The following SCN11A variants were observed in gnomAD, a reference collection of about 807,000 sequenced individuals.
SCN11A encodes sodium voltage-gated channel alpha subunit 11.
Under a neutral mutation model 162.2 loss-of-function variants are expected in SCN11A, and 122 were observed. The observed-to-expected ratio is 0.75, with a 90% CI of 0.65 to 0.87. The LOEUF (loss-of-function observed/expected upper bound fraction) is 0.87, where lower values mean the gene tolerates loss of function less well. Ranked by LOEUF, SCN11A falls within the 40% of genes least tolerant of loss-of-function variation. The probability of loss-of-function intolerance (pLI) is 0.00; values close to 1 mark genes in which losing one functional copy is unlikely to be tolerated. For missense variants in SCN11A, 2,015 were observed against 2,181.6 expected (o/e 0.92, Z 1.52); for synonymous variants, 758 against 751.5 (o/e 1.01, Z -0.14).
chr3:38,868,117 A>T (rs2065070873), intron 26 of SCN11A, among the ~76,000 whole-genome samples: 3 of 152,200 alleles, frequency 2.0e-5, no homozygotes, highest in Non-Finnish European at 4.4e-5. Context: ...CCTTTCATCC[A>T]AGTCCTTTGC....
At chr3:38,957,346 T>G (rs1221170924) in intron 3 of SCN11A, among the ~76,000 whole-genome samples, 1 of 152,168 alleles carries the variant, frequency 6.6e-6, no homozygotes, top group Non-Finnish European at 1.5e-5. Flanking sequence ...TATGTGCTTG[T>G]GTTACTTTTA....
At chr3:38,980,895 A>G (rs2030014084) in intron 2 of SCN11A, among the ~76,000 whole-genome samples, 1 of 152,228 alleles carries the variant, frequency 6.6e-6, no homozygotes, top group Non-Finnish European at 1.5e-5. Flanking sequence ...AAAGGAGACC[A>G]GATAGTCAGA....
intron 8 of SCN11A, 78 bp from the exon 9 acceptor site, chr3:38,925,587 G>A (rs922388614): frequency 2.0e-6 from 2 of 1,011,022 alleles, no homozygotes; most frequent in Non-Finnish European, 3.1e-6. Context: ...AAAGCCACAA[G>A]TAAGCTCAGC....
chr3:38,916,537 C>T (rs2065963724), intron 11 of SCN11A, among the ~76,000 whole-genome samples: 1 of 152,182 alleles, frequency 6.6e-6, no homozygotes, highest in African/African-American at 2.4e-5. Context: ...TAAAACCTTT[C>T]CATGTCTCCT....
intron 7 of SCN11A, among the ~76,000 whole-genome samples, chr3:38,930,334 T>C (rs1443578324): frequency 5.3e-5 from 8 of 152,364 alleles, no homozygotes; most frequent in Non-Finnish European, 7.3e-5. Flanking sequence ...CTTCAGGCTT[T>C]TTCTGAGCTG....
intron 7 of SCN11A, among the ~76,000 whole-genome samples, chr3:38,928,134 C>T (rs1411758807): frequency 3.9e-5 from 6 of 152,188 alleles, no homozygotes; most frequent in African/African-American, 1.4e-4. Context: ...TCTTTACTTA[C>T]ACCATATAAA....
At chr3:38,950,619 G>A in intron 4 of SCN11A, 3 of 472,820 alleles carry the variant, frequency 6.3e-6, no homozygotes, top group South Asian at 2.5e-5. Context: ...CTGGCAAAAG[G>A]CGGGAAGTTG....
intron 11 of SCN11A, among the ~76,000 whole-genome samples, chr3:38,914,487 TC>T (rs1401973981): frequency 6.6e-6 from 1 of 152,174 alleles, no homozygotes; most frequent in East Asian, 1.9e-4. Context: ...TATTTCTTTT[TC>T]TTCCTGATTG....
At chr3:39,034,941 T>C (rs1298759862) in intron 1 of SCN11A, among the ~76,000 whole-genome samples, 3 of 152,094 alleles carry the variant, frequency 2.0e-5, no homozygotes, top group Admixed American at 2.0e-4. Flanking sequence ...ATAAAGGAAA[T>C]TGAAGCAGAC....
At chr3:38,867,628 G>A (rs2065063201) in intron 26 of SCN11A, among the ~76,000 whole-genome samples, 170 bp from the exon 27 acceptor site, 2 of 152,162 alleles carry the variant, frequency 1.3e-5, no homozygotes, top group Non-Finnish European at 2.9e-5. Context: ...AGTTTTTGCA[G>A]CTCAGCTTGA....
intron 4 of SCN11A, 96 bp from the exon 5 acceptor site, chr3:38,950,465 A>G: frequency 7.7e-7 from 1 of 1,297,842 alleles, no homozygotes. Flanking sequence ...GGATGGTGTC[A>G]TAAGGATCTA....
chr3:38,862,227 T>A (rs1012179667), intron 28 of SCN11A, among the ~76,000 whole-genome samples: 1 of 151,880 alleles, frequency 6.6e-6, no homozygotes, highest in South Asian at 2.1e-4. Context: ...AATTTAAAAA[T>A]CAAAAAAATA....
chr3:38,846,080 A>G lies in SCN11A; in HGVS notation c.*614T>C, dbSNP rs1199406939. The G allele has an allele frequency of 6.6e-6, 1 of 152,118 alleles. No individual in the cohort carries two copies. The highest frequency in any genetic ancestry group is 6.5e-5 in the Admixed American group (1 of 15,282). 9.4% of individuals were successfully genotyped at this position (152,118 alleles called of 1,614,324 possible). A position where few individuals can be genotyped will look rare whatever the true frequency, so the allele number is the denominator to read the frequency against. On this transcript the variant is annotated 3_prime_UTR_variant, in exon 30 of 30. Transcript: ENST00000302328. ...AATTTTAATGTGTTTTTTGTTTCTT[A>G]TTCTTTTTTGTTTAGATATAATTTG...
intron 4 of SCN11A, 139 bp from the exon 5 acceptor site, chr3:38,950,508 G>T: frequency 1.3e-6 from 1 of 790,038 alleles, no homozygotes; most frequent in Non-Finnish European, 2.0e-6. Context: ...GGCCTTGGGA[G>T]CTGATTGGCT....
At chr3:38,913,300 T>G (rs1357290966) in intron 11 of SCN11A, among the ~76,000 whole-genome samples, 3 of 152,162 alleles carry the variant, frequency 2.0e-5, no homozygotes, top group Non-Finnish European at 4.4e-5. Context: ...AAAAGTCTAT[T>G]CATGTCCTTT....
At chr3:38,878,865 C>A (rs1005629782) in intron 23 of SCN11A, among the ~76,000 whole-genome samples, 2 of 152,078 alleles carry the variant, frequency 1.3e-5, no homozygotes, top group Non-Finnish European at 2.9e-5. Context: ...GGTTTATGCT[C>A]AGATATTTGT....
chr3:39,026,778 G>C (rs1254914389), intron 2 of SCN11A, among the ~76,000 whole-genome samples: 6 of 152,204 alleles, frequency 3.9e-5, no homozygotes, highest in African/African-American at 1.2e-4. Flanking sequence ...AGAAGATACT[G>C]AGGGAGAGGG....
intron 2 of SCN11A, among the ~76,000 whole-genome samples, chr3:39,031,538 C>CAAAAAAAAAAAAAAA: frequency 8.0e-6 from 1 of 125,042 alleles, no homozygotes; most frequent in African/African-American, 4.0e-5. Flanking sequence ...AAAAAACAAA[C>CAAAAAAAAAAAAAAA]AAACAAAAAA....
chr3:39,046,354 GAAATAAATTGAAGAGGACATACACA>G (rs2032182049), intron 1 of SCN11A, among the ~76,000 whole-genome samples: 1 of 152,022 alleles, frequency 6.6e-6, no homozygotes, highest in South Asian at 2.1e-4. Flanking sequence ...AAACTCTGAT[GAAATAAATTGAAGAGGACATACACA>G]AAAATGGAAA....
Sources: gnomAD v4.1 joint callset for allele counts (sites outside exome capture counted in the v4.1 genomes callset) on GRCh38, gnomAD v4.1.1 for gene constraint, MANE v1.5 for transcripts, NCBI Gene and HGNC (gene_info 2026-07-23, HGNC 2026-07-21) for gene names.